The following SPSB1 variants were observed in gnomAD, a reference collection of about 807,000 sequenced individuals.
SPSB1 encodes SPRY domain-containing SOCS box protein 1.
A neutral mutation model predicts 21.2 loss-of-function variants in SPSB1; 8 were observed. That is an observed-to-expected ratio of 0.38 (90% CI 0.22 to 0.68). SPSB1 has a LOEUF of 0.68. Ranked by LOEUF, SPSB1 falls within the 30% of genes least tolerant of loss-of-function variation. The pLI is 0.53. For missense variants in SPSB1, 242 were observed against 377.8 expected (o/e 0.64, Z 2.98); for synonymous variants, 169 against 161.7 (o/e 1.05, Z -0.34).
At chr1:9,310,339 A>G (rs1639496586) in intron 1 of SPSB1, among the ~76,000 whole-genome samples, 1 of 152,180 alleles carries the variant, frequency 6.6e-6, no homozygotes. Context: ...AAGGCATCTC[A>G]TGTGAGGTTC....
At position 9,293,517 on chromosome 1, in the gene SPSB1, G is replaced by C. The variant is rs1639155513; in HGVS notation, c.-150+446G>C. Among the ~76,000 whole-genome samples the C allele has an allele frequency of 6.6e-6, 1 of 151,794 alleles. No individual in the cohort carries two copies. The highest frequency in any genetic ancestry group is 2.4e-5 in the African/African-American group (1 of 41,358). On this transcript the variant is annotated intron_variant, in intron 1 of 2. Transcript: ENST00000328089. This position sits in a 1 kb window ranked among gnomAD's most constrained non-coding sequence, Gnocchi z 5.1. ...TTCGCTTTTCCCGCCAGTCCGAGTC[G>C]GGATTGGCGGCGCGGCCCGGTCCCC...
chr1:9,355,793 A>G lies in SPSB1; in HGVS notation c.-99A>G, dbSNP rs1339447673. On this transcript the variant is annotated 5_prime_UTR_variant, in exon 2 of 3. Coordinates refer to ENST00000328089, the MANE Select transcript of SPSB1 (RefSeq NM_025106.4). ...CAGAGGTCTCCTGGCAGCCCTCATT[A>G]GGAATTCTGTCTGGCCCCGATCAGA... is the stretch of plus-strand genomic sequence containing the variant. 2 of 1,494,750 alleles carry G rather than the reference A, an allele frequency of 1.3e-6. No individual in the cohort carries two copies. The highest frequency in any genetic ancestry group is 2.8e-5 in the African/African-American group (2 of 71,392). 92.6% of individuals were successfully genotyped at this position (1,494,750 alleles called of 1,614,324 possible).
At chr1:9,360,919 T>G (rs1640460953) in intron 2 of SPSB1, among the ~76,000 whole-genome samples, 1 of 152,208 alleles carries the variant, frequency 6.6e-6, no homozygotes, top group Admixed American at 6.5e-5. Flanking sequence ...TGCTGCCACC[T>G]GTGGGGGGTG....
At chr1:9,334,966 C>T (rs971715999) in intron 1 of SPSB1, among the ~76,000 whole-genome samples, 1 of 152,178 alleles carries the variant, frequency 6.6e-6, no homozygotes, top group Non-Finnish European at 1.5e-5. Context: ...GGGTTGCTTG[C>T]ACCTTTTGGC....
At chr1:9,334,985 A>G (rs1337427569) in intron 1 of SPSB1, among the ~76,000 whole-genome samples, 3 of 152,182 alleles carry the variant, frequency 2.0e-5, no homozygotes, top group Admixed American at 1.3e-4. Flanking sequence ...GCCATTGTGA[A>G]CAATGCTGCT....
intron 1 of SPSB1, among the ~76,000 whole-genome samples, chr1:9,310,288 A>G (rs572619766): frequency 1.3e-5 from 2 of 152,194 alleles, no homozygotes; most frequent in Non-Finnish European, 2.9e-5. Context: ...AGCAAACTCA[A>G]GATTCACAGG....
At chr1:9,314,841 A>G (rs768737666) in intron 1 of SPSB1, among the ~76,000 whole-genome samples, 3 of 152,182 alleles carry the variant, frequency 2.0e-5, no homozygotes, top group Non-Finnish European at 4.4e-5. Flanking sequence ...GTCAGGAAGG[A>G]GGCACAAATG....
intron 1 of SPSB1, among the ~76,000 whole-genome samples, chr1:9,319,691 C>A (rs1202819483): frequency 1.3e-5 from 2 of 152,160 alleles, no homozygotes; most frequent in African/African-American, 4.8e-5. Context: ...GCTCGTCTGG[C>A]CCGGCCAGAT....
At chr1:9,364,364 C>G (rs917994471) in intron 2 of SPSB1, among the ~76,000 whole-genome samples, 1 of 152,246 alleles carries the variant, frequency 6.6e-6, no homozygotes, top group Non-Finnish European at 1.5e-5. Flanking sequence ...GCACTTCTGG[C>G]CTTCAGGATC....
rs1043064441 is a variant in SPSB1 at position 9,346,342 on chromosome 1, G to A, written c.-149-9401G>A. Among the ~76,000 whole-genome samples the A allele has an allele frequency of 3.9e-5, 6 of 152,200 alleles. No individual in the cohort carries two copies. The highest frequency in any genetic ancestry group is 8.8e-5 in the Non-Finnish European group (6 of 68,020). On this transcript the variant is annotated intron_variant, in intron 1 of 2. Transcript: ENST00000328089. This position sits in a 1 kb window ranked among gnomAD's most constrained non-coding sequence, Gnocchi z 4.4. Reference sequence around the variant, plus strand: ...TTCTGGGGTCAGTCGGACACACTGTGGAGGAACTGGGTGTAAGGAGGTGGG... The same window carrying A: ...TTCTGGGGTCAGTCGGACACACTGTAGAGGAACTGGGTGTAAGGAGGTGGG...
chr1:9,317,415 G>A lies in SPSB1; in HGVS notation c.-150+24344G>A, dbSNP rs2100478263. ...AATCTGACTCCAGGATTTGGTTTAGGTATCTGGGAGAAGGGGTGTGGGGGC... is the reference window on the plus strand; with the variant it reads ...AATCTGACTCCAGGATTTGGTTTAGATATCTGGGAGAAGGGGTGTGGGGGC... On this transcript the variant is annotated intron_variant, in intron 1 of 2. Transcript: ENST00000328089. This position sits in a 1 kb window ranked among gnomAD's most constrained non-coding sequence, Gnocchi z 4.3. Among the ~76,000 whole-genome samples, 1 of 152,314 alleles carries A rather than the reference G, an allele frequency of 6.6e-6. No homozygotes were observed. Among genetic ancestry groups the A allele is most frequent in the South Asian group, 2.1e-4 (1 of 4,830 alleles).
At chr1:9,300,184 C>T (rs1414400535) in intron 1 of SPSB1, among the ~76,000 whole-genome samples, 1 of 152,158 alleles carries the variant, frequency 6.6e-6, no homozygotes, top group African/African-American at 2.4e-5. Flanking sequence ...GGTATCCCCT[C>T]TAAGGTGAAG....
chr1:9,326,064 G>A (rs10157575), intron 1 of SPSB1, among the ~76,000 whole-genome samples: 3,715 of 152,136 alleles, frequency 0.024, 63 homozygotes, highest in Non-Finnish European at 0.036. Context: ...CTCCACCCCT[G>A]CATGTCCCTT....
intron 1 of SPSB1, among the ~76,000 whole-genome samples, chr1:9,295,900 G>A (rs567401224): frequency 6.6e-6 from 1 of 152,234 alleles, no homozygotes; most frequent in African/African-American, 2.4e-5. Context: ...TTTATCAGAC[G>A]ACAGCACAAG....
Position 9,356,158 on chromosome 1 carries a change from C to A in SPSB1, c.267C>A (p.Gly89=), listed in dbSNP as rs1249984326. 6 of 1,586,732 alleles carry A rather than the reference C, an allele frequency of 3.8e-6. No individual in the cohort carries two copies. In the African/African-American group the frequency reaches 8.0e-5, roughly 21 times the overall value. Residue 89 remains glycine, a synonymous_variant, in exon 2 of 3, where the codon GGC becomes GGA. Coordinates refer to ENST00000328089, the MANE Select transcript of SPSB1 (RefSeq NM_025106.4). This position sits in a 1 kb window ranked among gnomAD's most constrained non-coding sequence, Gnocchi z 7.4. ...PVAQSTDAIR[G]KVGYTRGLHV... is the part of the protein sequence containing the mutation. Reference sequence around the variant, plus strand: ...CCCAGAGCACGGACGCTATCAGGGGCAAAGTCGGGTATACCCGTGGGCTGC... The same window carrying A: ...CCCAGAGCACGGACGCTATCAGGGGAAAAGTCGGGTATACCCGTGGGCTGC...
chr1:9,332,016 G>C (rs750277007), intron 1 of SPSB1, among the ~76,000 whole-genome samples: 1 of 152,094 alleles, frequency 6.6e-6, no homozygotes, highest in Non-Finnish European at 1.5e-5. Flanking sequence ...GAAAATATGT[G>C]ACTCTTTTGT....
In SPSB1 at chr1:9,306,111, C is replaced by T. The variant is rs376892340; in HGVS notation, c.-150+13040C>T. ...GCCATGCTCCTGCAGCGGGAGGAAC[C>T]GAGACATGGGGGTTGCTAGAGGGCG... On this transcript the variant is annotated intron_variant, in intron 1 of 2. Coordinates refer to ENST00000328089, the MANE Select transcript of SPSB1 (RefSeq NM_025106.4). Among the ~76,000 whole-genome samples, 326 of 152,286 alleles carry T rather than the reference C, an allele frequency of 2.1e-3. 1 individual carries two copies. The highest frequency in any genetic ancestry group is 7.2e-3 in the African/African-American group (301 of 41,554).
At chr1:9,357,113 GTGGA>G (rs1412659733) in intron 2 of SPSB1, among the ~76,000 whole-genome samples, 8 of 88,626 alleles carry the variant, frequency 9.0e-5, no homozygotes, top group African/African-American at 1.6e-4. Context: ...GGATGGATGA[GTGGA>G]TGGATGGATG....
intron 1 of SPSB1, among the ~76,000 whole-genome samples, chr1:9,308,242 G>A (rs1243655521): frequency 1.3e-5 from 2 of 152,196 alleles, no homozygotes; most frequent in Non-Finnish European, 2.9e-5. Flanking sequence ...TTGGGGCAGT[G>A]CTGCAGTTGC....
Sources: gnomAD v4.1 joint callset for allele counts (sites outside exome capture counted in the v4.1 genomes callset) on GRCh38, gnomAD v4.1.1 for gene constraint, Gnocchi (gnomAD v3.1) non-coding constraint, MANE v1.5 for transcripts, NCBI Gene and HGNC (gene_info 2026-07-23, HGNC 2026-07-21) for gene names.